The following PRDM2 variants were observed in gnomAD, a reference collection of about 807,000 sequenced individuals.
The protein encoded by PRDM2 is PR domain zinc finger protein 2.
PRDM2 carries 30 observed loss-of-function variants against 130.0 expected under a neutral mutation model. The observed-to-expected ratio is 0.23, with a 90% CI of 0.17 to 0.31. The LOEUF is 0.31. Among genes scored for constraint, PRDM2 ranks in the 10% least tolerant of loss-of-function variants. The pLI is 1.00. For synonymous variants in PRDM2, 871 were observed against 782.4 expected, an observed-to-expected ratio of 1.11 and a Z score of -1.89; for missense variants, 2,011 against 2,108.4, an observed-to-expected ratio of 0.95 and a Z score of 0.90.
chr1:13,714,276 A>G (rs1056804342), intron 1 of PRDM2, among the ~76,000 whole-genome samples: 1 of 152,064 alleles, frequency 6.6e-6, no homozygotes, highest in Admixed American at 6.5e-5. Flanking sequence ...TATAGATGAG[A>G]AAGATGCTCA....
intron 6 of PRDM2, among the ~76,000 whole-genome samples, chr1:13,765,472 GT>G (rs939711968): frequency 1.2e-4 from 18 of 146,176 alleles, no homozygotes; most frequent in Admixed American, 4.1e-4. Flanking sequence ...CTATTCTTTT[GT>G]TTTTTTTTTT....
At chr1:13,716,774 G>A (rs74447739) in intron 2 of PRDM2, among the ~76,000 whole-genome samples, 3,869 of 152,118 alleles carry the variant, frequency 0.025, 163 homozygotes, top group African/African-American at 0.088. Flanking sequence ...AGAAATACGT[G>A]GGTGTCAGAA....
chr1:13,802,446 G>A (rs1226058594), intron 8 of PRDM2, among the ~76,000 whole-genome samples: 2 of 152,158 alleles, frequency 1.3e-5, no homozygotes, highest in Non-Finnish European at 2.9e-5. Flanking sequence ...GACCGGTTCC[G>A]GGTCGTCCAG....
chr1:13,804,757 G>A (rs770431279), intron 8 of PRDM2, among the ~76,000 whole-genome samples: 33 of 152,314 alleles, frequency 2.2e-4, no homozygotes, highest in Non-Finnish European at 4.1e-4. Flanking sequence ...GATCGGTTTA[G>A]TATCCCCAGG....
chr1:13,821,881 G>A (rs1177569745), intron 9 of PRDM2, among the ~76,000 whole-genome samples: 1 of 152,218 alleles, frequency 6.6e-6, no homozygotes, highest in Admixed American at 6.5e-5. Context: ...GACTGGAAGA[G>A]CACACAGATG....
chr1:13,761,382 A>G (rs965846295), intron 6 of PRDM2, among the ~76,000 whole-genome samples: 2 of 152,214 alleles, frequency 1.3e-5, no homozygotes, highest in Non-Finnish European at 2.9e-5. Context: ...AAAAAAACAA[A>G]TGGACGAAAG....
intron 8 of PRDM2, among the ~76,000 whole-genome samples, chr1:13,799,986 C>G (rs1327779307): frequency 6.6e-6 from 1 of 152,208 alleles, no homozygotes; most frequent in African/African-American, 2.4e-5. Context: ...TCTCTCTGCA[C>G]TTTTAACAAA....
chr1:13,706,901 G>GT (rs1321995347), intron 1 of PRDM2, among the ~76,000 whole-genome samples: 1 of 151,166 alleles, frequency 6.6e-6, no homozygotes, highest in Non-Finnish European at 1.5e-5. Context: ...GTGAGAAGTA[G>GT]TAACATATTT....
At position 13,790,315 on chromosome 1, in the gene PRDM2, G is replaced by C. The variant is rs1416587530; in HGVS notation, c.5036+7484G>C. On this transcript the variant is annotated intron_variant, in intron 8 of 9. Transcript: ENST00000311066. ...GGCATCCTTATAATTATCCTGCAAA[G>C]TGGGCACTATTGTTTTCCCGTTCTT... Among the ~76,000 whole-genome samples, 5 of 152,184 alleles carry C rather than the reference G, an allele frequency of 3.3e-5. No homozygotes were observed. The East Asian group carries it at 9.6e-4, about 29-fold the overall frequency.
chr1:13,756,365 A>G (rs1643953747), intron 6 of PRDM2, among the ~76,000 whole-genome samples: 1 of 152,244 alleles, frequency 6.6e-6, no homozygotes, highest in African/African-American at 2.4e-5. Flanking sequence ...TTGTATGGTG[A>G]ACTGAAGCTG....
intron 1 of PRDM2, among the ~76,000 whole-genome samples, chr1:13,706,289 C>T (rs1642209174): frequency 6.6e-6 from 1 of 152,194 alleles, no homozygotes; most frequent in South Asian, 2.1e-4. Context: ...TTTCTGGCTG[C>T]CCTCTCCTCA....
At chr1:13,738,652 C>A (rs998256931) in intron 4 of PRDM2, 1 of 152,118 alleles carries the variant, frequency 6.6e-6, no homozygotes, top group South Asian at 2.1e-4. Flanking sequence ...GACAAGTGGG[C>A]TTATTGAAAT....
intron 1 of PRDM2, among the ~76,000 whole-genome samples, chr1:13,707,047 G>A (rs775909471): frequency 2.0e-5 from 3 of 151,814 alleles, no homozygotes; most frequent in African/African-American, 4.8e-5. Flanking sequence ...GCCTGACACC[G>A]TAGCAAAAGA....
Position 13,781,856 on chromosome 1 carries a change from C to T in PRDM2, c.4061C>T (p.Ala1354Val). 1 of 1,614,170 alleles carries T rather than the reference C, an allele frequency of 6.2e-7. No individual in the cohort carries two copies. Residue 1354 changes from alanine (A) to valine (V), a missense_variant, in exon 8 of 10, where the codon GCT (alanine) becomes GTT (valine). Ala to Val is a moderately conservative substitution (Grantham distance 64). Coordinates refer to ENST00000311066, the MANE Select transcript of PRDM2 (RefSeq NM_001393986.1). The surrounding 1 kb of genome is among the most constrained non-coding windows in gnomAD (Gnocchi z 6.1). ...CCGGAGTTGCACAAACATATCCTGGCTTGTGCTTCTGCAAGTGACAAGAAG... is the reference window on the plus strand; with the variant it reads ...CCGGAGTTGCACAAACATATCCTGGTTTGTGCTTCTGCAAGTGACAAGAAG... ...NMPELHKHILACASASDKKRY... is the reference protein window; with the variant it reads ...NMPELHKHILVCASASDKKRY...
intron 8 of PRDM2, among the ~76,000 whole-genome samples, chr1:13,795,079 A>G (rs2100716277): frequency 6.6e-6 from 1 of 152,038 alleles, no homozygotes; most frequent in Admixed American, 6.5e-5. Context: ...TTATTCTATC[A>G]CCCCCTCCCT....
At chr1:13,809,093 C>T (rs1403703776) in intron 8 of PRDM2, among the ~76,000 whole-genome samples, 1 of 152,158 alleles carries the variant, frequency 6.6e-6, no homozygotes, top group Non-Finnish European at 1.5e-5. Context: ...TGGGGTCTAC[C>T]CAGATTAGCT....
chr1:13,811,109 GGGAGGT>G (rs1234461094), intron 8 of PRDM2, among the ~76,000 whole-genome samples: 1 of 152,024 alleles, frequency 6.6e-6, no homozygotes, highest in African/African-American at 2.4e-5. Flanking sequence ...GCTTGAACCT[GGGAGGT>G]GGAGATTGCA....
At position 13,779,978 on chromosome 1, in the gene PRDM2, T is replaced by A. The variant is rs1644570437; in HGVS notation, c.2183T>A (p.Val728Glu). The A allele has an allele frequency of 6.2e-7, 1 of 1,614,126 alleles. No homozygotes were observed. Among genetic ancestry groups the A allele is most frequent in the South Asian group, 1.1e-5 (1 of 91,090 alleles). ...CVSAPASMLP[V>E]TSSRFKRRTS... The stretch of plus-strand genomic sequence containing the variant: ...TCTGCTCCTGCATCAATGTTGCCTG[T>A]GACCTCAAGTAGGTTTAAGAGGCGG... Residue 728 changes from valine (V) to glutamate (E), a missense_variant, in exon 8 of 10, where the codon GTG becomes GAG. Transcript: ENST00000311066. The surrounding 1 kb of genome is among the most constrained non-coding windows in gnomAD (Gnocchi z 4.9).
Position 13,779,362 on chromosome 1 carries a change from G to C in PRDM2, c.1567G>C (p.Glu523Gln), listed in dbSNP as rs1570000945. The C allele has an allele frequency of 6.2e-7, 1 of 1,614,152 alleles. No homozygotes were observed. The highest frequency in any genetic ancestry group is 8.5e-7 in the Non-Finnish European group (1 of 1,180,020). The part of the protein sequence containing the change: ...KGVRRKGGLE[E>Q]PQPPAEQAQA... Reference sequence around the variant, plus strand: ...TGTACGGCGAAAAGGAGGCCTTGAAGAGCCCCAGCCTCCAGCAGAACAGGC... The same window carrying C: ...TGTACGGCGAAAAGGAGGCCTTGAACAGCCCCAGCCTCCAGCAGAACAGGC... Residue 523 changes from glutamate to glutamine, a missense_variant, in exon 8 of 10, where the codon GAG becomes CAG. By Grantham distance (29) the Glu-to-Gln change is conservative. This residue lies in a region of PRDM2 where 1,288 missense variants were observed against 1,237.7 expected (regional missense o/e 1.04). Transcript: ENST00000311066. This position sits in a 1 kb window ranked among gnomAD's most constrained non-coding sequence, Gnocchi z 4.9.
Sources: gnomAD v4.1 joint callset for allele counts (sites outside exome capture counted in the v4.1 genomes callset) on GRCh38, gnomAD v4.1.1 for gene constraint, gnomAD v4.1.1 regional missense constraint, Gnocchi (gnomAD v3.1) non-coding constraint, MANE v1.5 for transcripts, NCBI Gene and HGNC (gene_info 2026-07-23, HGNC 2026-07-21) for gene names.